Variants in MRTFB observed in about 807,000 individuals in gnomAD.
MRTFB encodes myocardin-related transcription factor B.
Under a neutral mutation model 104.2 loss-of-function variants are expected in MRTFB, and 29 were observed. The ratio of observed to expected loss-of-function variants is 0.28; its 90% CI spans 0.21 to 0.38. The LOEUF is 0.38. Among genes scored for constraint, MRTFB ranks in the 10% least tolerant of loss-of-function variants. MRTFB has a pLI of 1.00. For missense variants in MRTFB, 1,270 were observed against 1,341.6 expected (o/e 0.95, Z 0.83); for synonymous variants, 535 against 519.5 (o/e 1.03, Z -0.41).
chr16:14,240,526 T>G (rs376419609), intron 10 of MRTFB, 42 bp downstream of exon 10: 1 of 1,614,066 alleles, frequency 6.2e-7, no homozygotes, highest in African/African-American at 1.3e-5. Flanking sequence ...GGGTTTTCTG[T>G]GGTTTTTTAT....
chr16:14,093,004 T>C (rs78071955), intron 2 of MRTFB: 4 of 152,202 alleles, frequency 2.6e-5, no homozygotes, highest in Non-Finnish European at 5.9e-5. Flanking sequence ...CATCTTGAAA[T>C]CTGACTCCTG....
the MRTFB span, among the ~76,000 whole-genome samples, chr16:13,996,891 CTGAT>C: frequency 1.3e-5 from 2 of 152,202 alleles, no homozygotes; most frequent in Non-Finnish European, 2.9e-5. Flanking sequence ...ACACTCTCAC[CTGAT>C]TGTCTTGAGG....
the MRTFB span, among the ~76,000 whole-genome samples, chr16:14,046,871 A>G: frequency 6.6e-6 from 1 of 152,236 alleles, no homozygotes; most frequent in Non-Finnish European, 1.5e-5. Flanking sequence ...ATTATATACC[A>G]GGCACTGCTC....
rs536972067 is a variant in MRTFB at position 14,239,472 on chromosome 16, G to A, written c.832-765G>A. On this transcript the variant is annotated intron_variant, in intron 9 of 16. Transcript: ENST00000571589. ...TTCTCAAAGTCTTTGTATTAAGTTG[G>A]GTATGTTCCCTACAGAAGCTTAGCA... Among the ~76,000 whole-genome samples the A allele has an allele frequency of 1.2e-4, 19 of 152,122 alleles. 1 individual carries two copies. The South Asian group carries it at 3.7e-3, about 30-fold the overall frequency.
chr16:14,244,925 A>C (rs1184121990), intron 10 of MRTFB, among the ~76,000 whole-genome samples: 1 of 152,182 alleles, frequency 6.6e-6, no homozygotes, highest in Non-Finnish European at 1.5e-5. Context: ...TGTCTACCCA[A>C]AGGCCATGAA....
At chr16:14,241,658 A>G (rs557837251) in intron 10 of MRTFB, among the ~76,000 whole-genome samples, 2 of 151,590 alleles carry the variant, frequency 1.3e-5, no homozygotes, top group Non-Finnish European at 2.9e-5. Context: ...CCTCATAGGT[A>G]GCCCCTCTTT....
chr16:14,108,843 C>A (rs1490258601), intron 2 of MRTFB, among the ~76,000 whole-genome samples: 1 of 152,108 alleles, frequency 6.6e-6, no homozygotes, highest in African/African-American at 2.4e-5. Context: ...AAAACCTTTC[C>A]CCCATCGTCT....
At chr16:14,074,976 A>G (rs895995497) in intron 1 of MRTFB, among the ~76,000 whole-genome samples, 4 of 152,262 alleles carry the variant, frequency 2.6e-5, no homozygotes, top group African/African-American at 7.2e-5. Flanking sequence ...AGTTAATCAG[A>G]TAATATAACC....
chr16:14,067,113 G>A (rs565709195), upstream of MRTFB, among the ~76,000 whole-genome samples: 3 of 152,230 alleles, frequency 2.0e-5, no homozygotes, highest in East Asian at 3.9e-4. Flanking sequence ...CACATCTTGT[G>A]TCAGGATGGA....
At chr16:14,193,311 T>C (rs953249545) in intron 3 of MRTFB, among the ~76,000 whole-genome samples, 6 of 151,516 alleles carry the variant, frequency 4.0e-5, no homozygotes, top group African/African-American at 1.5e-4. Flanking sequence ...ATTTCCGTTG[T>C]ACTTGGGATA....
chr16:14,110,394 C>G (rs1283999002), intron 2 of MRTFB, among the ~76,000 whole-genome samples: 5 of 152,208 alleles, frequency 3.3e-5, no homozygotes, highest in Non-Finnish European at 2.9e-5. Context: ...TGAAGGAGCT[C>G]TGAAGGCAGT....
At chr16:14,155,330 C>G (rs1354668867) in intron 3 of MRTFB, among the ~76,000 whole-genome samples, 2 of 151,620 alleles carry the variant, frequency 1.3e-5, no homozygotes. Context: ...TTTTACTGTC[C>G]ATGTTTCTCC....
At chr16:14,090,035 A>G (rs1273250286) in intron 2 of MRTFB, among the ~76,000 whole-genome samples, 2 of 152,042 alleles carry the variant, frequency 1.3e-5, no homozygotes, top group African/African-American at 4.8e-5. Context: ...CACACCCCCA[A>G]ACACCCCCAC....
At chr16:14,196,964 CTTTTTTTTTTTTTTT>C (rs35259229) in intron 3 of MRTFB, among the ~76,000 whole-genome samples, 1 of 103,188 alleles carries the variant, frequency 9.7e-6, no homozygotes, top group African/African-American at 3.4e-5. Flanking sequence ...TCTCTTTTTT[CTTTTTTTTTTTTTTT>C]TTTTTTTTGA....
chr16:14,223,850 A>AT (rs1397169924), intron 8 of MRTFB, among the ~76,000 whole-genome samples: 1 of 152,258 alleles, frequency 6.6e-6, no homozygotes, highest in East Asian at 1.9e-4. Context: ...ACATGGATAT[A>AT]CAAATACAGT....
At chr16:14,258,074 C>G in intron 15 of MRTFB, 27 bp from the exon 16 acceptor site, 2 of 1,603,936 alleles carry the variant, frequency 1.2e-6, no homozygotes, top group Non-Finnish European at 1.7e-6. Context: ...ATGAAAGAAA[C>G]CTAATTTGTA....
the MRTFB span, among the ~76,000 whole-genome samples, chr16:14,063,666 T>C: frequency 6.6e-6 from 1 of 152,194 alleles, no homozygotes; most frequent in African/African-American, 2.4e-5. Flanking sequence ...CCATCCACCA[T>C]TCCTGTTGGT....
At chr16:14,078,221 A>G (rs2034181099) in intron 1 of MRTFB, among the ~76,000 whole-genome samples, 1 of 152,206 alleles carries the variant, frequency 6.6e-6, no homozygotes. Context: ...TAAACTCTGT[A>G]AGGAGAGAAA....
intron 2 of MRTFB, among the ~76,000 whole-genome samples, chr16:14,124,583 G>GT (rs201259051): frequency 0.055 from 8,316 of 152,280 alleles, 797 homozygotes; most frequent in African/African-American, 0.19. Flanking sequence ...ATTTGCATAT[G>GT]TTGAACCAGC....
Sources: gnomAD v4.1 joint callset for allele counts (sites outside exome capture counted in the v4.1 genomes callset) on GRCh38, gnomAD v4.1.1 for gene constraint, MANE v1.5 for transcripts, NCBI Gene and HGNC (gene_info 2026-07-23, HGNC 2026-07-21) for gene names.